SLC34A2: variants seen among roughly 807,000 people sequenced by gnomAD.
SLC34A2 encodes sodium-dependent phosphate transport protein 2B.
A neutral mutation model predicts 50.8 loss-of-function variants in SLC34A2; 41 were observed. That is an observed-to-expected ratio of 0.81 (90% CI 0.63 to 1.05). The LOEUF is 1.05. Ranked by LOEUF, SLC34A2 falls within the 50% of genes least tolerant of loss-of-function variation. The pLI is 0.00. For missense variants in SLC34A2, 879 were observed against 876.7 expected (o/e 1.00, Z -0.03); for synonymous variants, 401 against 364.2 (o/e 1.10, Z -1.15).
chr4:25,661,411 A>C (rs563177144), intron 1 of SLC34A2, among the ~76,000 whole-genome samples: 3 of 152,244 alleles, frequency 2.0e-5, no homozygotes, highest in Admixed American at 1.3e-4. Context: ...TTTGAGACAG[A>C]GTTTTGCTCT....
chr4:25,656,712 C>T (rs1713900774), intron 1 of SLC34A2: 1 of 152,296 alleles, frequency 6.6e-6, no homozygotes, highest in South Asian at 2.1e-4. Context: ...ACCGGTGGCT[C>T]GCACTGCGCT....
chr4:25,664,188 C>T lies in SLC34A2; in HGVS notation c.251-14C>T, dbSNP rs765396892. Reference sequence around the variant, plus strand: ...ATGCCTTTCTCTCTCTCCCCCCATCCCACCCCCCTGCAGAGAGAGACACCA... The same window carrying T: ...ATGCCTTTCTCTCTCTCCCCCCATCTCACCCCCCTGCAGAGAGAGACACCA... On this transcript the variant is annotated splice_polypyrimidine_tract_variant and intron_variant, in intron 3 of 12. Coordinates refer to ENST00000382051, the MANE Select transcript of SLC34A2 (RefSeq NM_006424.3). 1.9e-6 allele frequency: 3 copies of T among 1,609,102 alleles called. No homozygotes were observed. Among genetic ancestry groups the T allele is most frequent in the South Asian group, 2.2e-5 (2 of 90,920 alleles).
chr4:25,668,080 A>G (rs1441637662), intron 6 of SLC34A2, 89 bp downstream of exon 6: 2 of 833,578 alleles, frequency 2.4e-6, no homozygotes, highest in Non-Finnish European at 2.1e-6. Flanking sequence ...CAAAGATGAC[A>G]TGCTTATCAG....
chr4:25,671,387 T>A (rs1321297934), intron 8 of SLC34A2, among the ~76,000 whole-genome samples: 1 of 152,232 alleles, frequency 6.6e-6, no homozygotes, highest in African/African-American at 2.4e-5. Flanking sequence ...TAGATGTTTT[T>A]AAATGATGAA....
At chr4:25,671,769 G>A (rs377594973) in intron 9 of SLC34A2, 48 bp downstream of exon 9, 59 of 1,613,592 alleles carry the variant, frequency 3.7e-5, no homozygotes, top group South Asian at 2.2e-5. Flanking sequence ...GTTGTCTGGG[G>A]GTGACCTATT....
chr4:25,664,110 G>A, intron 3 of SLC34A2, 92 bp from the exon 4 acceptor site: 1 of 1,274,172 alleles, frequency 7.8e-7, no homozygotes, highest in South Asian at 1.2e-5. Flanking sequence ...GGAGGTCGGG[G>A]GAGCTCTGAG....
At chr4:25,672,235 C>A (rs972096721) in intron 9 of SLC34A2, among the ~76,000 whole-genome samples, 2 of 152,112 alleles carry the variant, frequency 1.3e-5, no homozygotes, top group Non-Finnish European at 2.9e-5. Flanking sequence ...AAGATTGCAC[C>A]ACTACACTCC....
Position 25,667,930 on chromosome 4 carries a change from A to AC in SLC34A2, c.575dup (p.Ser193ValfsTer17). ...CATTATCATGGGGGCCAACATTGGA[A>AC]CGTCAATCACCAACACTATTGTTGC... On this transcript the variant is annotated frameshift_variant, in exon 6 of 13. Transcript: ENST00000382051. LOFTEE classifies it high-confidence loss of function. 6.2e-7 allele frequency: 1 copy of AC among 1,614,080 alleles called. No individual in the cohort carries two copies. Among genetic ancestry groups the AC allele is most frequent in the Non-Finnish European group, 8.5e-7 (1 of 1,179,930 alleles).
intron 8 of SLC34A2, 90 bp from the exon 9 acceptor site, chr4:25,671,511 G>A: frequency 1.3e-6 from 2 of 1,534,058 alleles, no homozygotes; most frequent in Non-Finnish European, 1.8e-6. Context: ...CATGGGTGGT[G>A]TCTGCGCCTG....
At chr4:25,671,197 C>T (rs1270462557) in intron 8 of SLC34A2, among the ~76,000 whole-genome samples, 1 of 152,220 alleles carries the variant, frequency 6.6e-6, no homozygotes, top group Non-Finnish European at 1.5e-5. Context: ...CAAGTGTCCT[C>T]TCTCTTACTT....
intron 1 of SLC34A2, among the ~76,000 whole-genome samples, chr4:25,661,499 T>A (rs1004796104): frequency 1.3e-5 from 2 of 152,124 alleles, no homozygotes; most frequent in African/African-American, 4.8e-5. Context: ...GCAATTCTCA[T>A]GCCTCAGCCT....
chr4:25,666,342 G>A (rs920658261), intron 5 of SLC34A2, 71 bp downstream of exon 5: 15 of 1,560,320 alleles, frequency 9.6e-6, no homozygotes, highest in African/African-American at 1.3e-5. Context: ...TGGGAAGGAC[G>A]GGGGAGGAAT....
chr4:25,661,480 C>T (rs1400197607), intron 1 of SLC34A2, among the ~76,000 whole-genome samples: 2 of 152,176 alleles, frequency 1.3e-5, no homozygotes, highest in Non-Finnish European at 2.9e-5. Context: ...CTCCGCCTCC[C>T]AGGTTCAAGC....
chr4:25,662,352 G>GT (rs1328320124), intron 1 of SLC34A2, 146 bp from the exon 2 acceptor site: 2 of 700,620 alleles, frequency 2.9e-6, no homozygotes, highest in Non-Finnish European at 5.0e-6. Flanking sequence ...GGGCATAAGT[G>GT]TGAAATCTTT....
intron 5 of SLC34A2, among the ~76,000 whole-genome samples, chr4:25,667,333 G>A (rs1173655209): frequency 6.6e-6 from 1 of 152,136 alleles, no homozygotes; most frequent in East Asian, 1.9e-4. Flanking sequence ...CCAACACGGT[G>A]AAACCCCGTC....
chr4:25,662,540 C>A lies in SLC34A2; in HGVS notation c.40C>A (p.Pro14Thr). ...WPELGDAQPN[P>T]DKYLEGAAGQ... ...TGAATTGGGAGATGCCCAGCCCAACCCCGATAAGTACCTCGAAGGGGCCGC... is the reference window on the plus strand; with the variant it reads ...TGAATTGGGAGATGCCCAGCCCAACACCGATAAGTACCTCGAAGGGGCCGC... Residue 14 changes from proline to threonine, a missense_variant, in exon 2 of 13, where the codon CCC becomes ACC. Pro to Thr is a conservative substitution (Grantham distance 38). Transcript: ENST00000382051. 1 of 1,614,100 alleles carries A rather than the reference C, an allele frequency of 6.2e-7. No individual in the cohort carries two copies. Among genetic ancestry groups the A allele is most frequent in the Non-Finnish European group, 8.5e-7 (1 of 1,180,036 alleles).
intron 11 of SLC34A2, 32 bp from the exon 12 acceptor site, chr4:25,674,473 G>T: frequency 6.2e-7 from 1 of 1,614,214 alleles, no homozygotes; most frequent in South Asian, 1.1e-5. Context: ...ATCCCATGGG[G>T]CTGATATGTT....
chr4:25,667,731 G>A, intron 5 of SLC34A2, 149 bp from the exon 6 acceptor site: 8 of 664,420 alleles, frequency 1.2e-5, no homozygotes, highest in Non-Finnish European at 2.2e-5. Context: ...TTCATAGTGA[G>A]GTGCAGAGTG....
Position 25,673,182 on chromosome 4 carries a change from A to G in SLC34A2, c.1144A>G (p.Met382Val), listed in dbSNP as rs1306601216. The change falls in exon 10 of 13, where the codon ATG (methionine) becomes GTG (valine). Residue 382 changes from methionine to valine, a missense_variant. Met to Val is a conservative substitution (Grantham distance 21, BLOSUM62 1). Transcript: ENST00000382051. ...GCTGGTCCTCTGTGGTTGCCTGATCATGATTGTCAAGATCCTGGGCTCTGT... is the reference window on the plus strand; with the variant it reads ...GCTGGTCCTCTGTGGTTGCCTGATCGTGATTGTCAAGATCCTGGGCTCTGT... Reference protein sequence around the residue: ...SLLVLCGCLIMIVKILGSVLK... With the variant: ...SLLVLCGCLIVIVKILGSVLK... The G allele has an allele frequency of 1.2e-6, 2 of 1,614,088 alleles. No homozygotes were observed. Among genetic ancestry groups the G allele is most frequent in the Non-Finnish European group, 1.7e-6 (2 of 1,180,012 alleles).
Sources: allele counts gnomAD v4.1 joint callset (sites outside exome capture counted in the v4.1 genomes callset), GRCh38; gene constraint gnomAD v4.1.1; transcripts MANE v1.5; gene names NCBI Gene and HGNC (gene_info 2026-07-23, HGNC 2026-07-21).